EP300: variants seen among roughly 807,000 people sequenced by gnomAD.
The protein encoded by EP300 is histone acetyltransferase p300.
In EP300, 31 loss-of-function variants were observed where a neutral mutation model predicts 264.0. The ratio of observed to expected loss-of-function variants is 0.12; its 90% confidence interval spans 0.09 to 0.16. EP300 has a LOEUF of 0.16. EP300 is among the 10% of genes least tolerant of loss of function. The pLI is 1.00. For synonymous variants in EP300, 1,340 were observed against 1,045.4 expected (o/e 1.28, Z -5.44); for missense variants, 2,766 against 3,052.9 (o/e 0.91, Z 2.21).
rs768518444 is a variant in EP300, at chr22:41,179,008, C to CT, written c.*57dup. Reference sequence around the variant, plus strand: ...AAAAAATTATTTTCTCTTAACAAGACTTTTTGTACTGAAAACAATTTTTTT... The same window carrying CT: ...AAAAAATTATTTTCTCTTAACAAGACTTTTTTGTACTGAAAACAATTTTTTT... On this transcript the variant is annotated 3_prime_UTR_variant, in exon 31 of 31. Coordinates refer to ENST00000263253, the MANE Select transcript of EP300 (RefSeq NM_001429.4). 2.5e-6 allele frequency: 4 copies of CT among 1,601,262 alleles called. No individual in the cohort carries two copies. The highest frequency in any genetic ancestry group is 2.7e-5 in the African/African-American group (2 of 74,698).
At chr22:41,117,026 A>C (rs1382502200) in intron 1 of EP300, among the ~76,000 whole-genome samples, 161 bp from the exon 2 acceptor site, 4 of 152,230 alleles carry the variant, frequency 2.6e-5, no homozygotes, top group Non-Finnish European at 5.9e-5. Flanking sequence ...GCACCACTGC[A>C]CTCCAGCCTG....
At position 41,102,856 on chromosome 22, in the gene EP300, A is replaced by T. The variant is rs575219345; in HGVS notation, c.94+9758A>T. Among the ~76,000 whole-genome samples, 4 of 152,162 alleles carry T rather than the reference A, an allele frequency of 2.6e-5. No homozygotes were observed. The South Asian group carries it at 6.2e-4, about 24-fold the overall frequency. Reference sequence around the variant, plus strand: ...CAACTTGTTGGGTGATGATTTATTTATTATTTATTTATTTATTTTGAGACA... The same window carrying T: ...CAACTTGTTGGGTGATGATTTATTTTTTATTTATTTATTTATTTTGAGACA... On this transcript the variant is annotated intron_variant, in intron 1 of 30. Transcript: ENST00000263253.
intron 1 of EP300, among the ~76,000 whole-genome samples, chr22:41,106,844 T>G (rs564825992): frequency 5.0e-4 from 76 of 152,248 alleles, no homozygotes; most frequent in African/African-American, 1.8e-3. Context: ...CAGCCTGCCT[T>G]GGCCTCCCAA....
Position 41,178,208 on chromosome 22 carries a change from A to G in EP300, c.6497A>G (p.Gln2166Arg). 6.2e-7 allele frequency: 1 copy of G among 1,614,180 alleles called. No homozygotes were observed. Among genetic ancestry groups the G allele is most frequent in the Non-Finnish European group, 8.5e-7 (1 of 1,180,034 alleles). Residue 2166 changes from glutamine to arginine, a missense_variant, in exon 31 of 31, where the codon CAG (glutamine) becomes CGG (arginine). Physicochemically the swap from Gln to Arg is conservative, Grantham distance 43 (BLOSUM62 1). Transcript: ENST00000263253. ...ATGGGAGGGATGAGCCCCCAGGCTC[A>G]GCAGATGAACATGAACCACAACACC... ...PPMGGMSPQA[Q>R]QMNMNHNTMP...
intron 22 of EP300, 31 bp from the exon 23 acceptor site, chr22:41,166,568 T>C (rs749743888): frequency 1.3e-6 from 2 of 1,580,548 alleles, no homozygotes; most frequent in Non-Finnish European, 1.7e-6. Flanking sequence ...TTTATCTAAG[T>C]TGTGTAAGCA....
At chr22:41,132,912 ATG>A (rs1479867644) in intron 6 of EP300, among the ~76,000 whole-genome samples, 2 of 152,186 alleles carry the variant, frequency 1.3e-5, no homozygotes, top group African/African-American at 4.8e-5. Flanking sequence ...ATTTTGGGAT[ATG>A]TATGTTTCTC....
intron 1 of EP300, among the ~76,000 whole-genome samples, chr22:41,095,864 C>T (rs2058699370): frequency 6.6e-6 from 1 of 152,038 alleles, no homozygotes; most frequent in South Asian, 2.1e-4. Flanking sequence ...AAACTGGAAT[C>T]CAATGGGATG....
intron 1 of EP300, among the ~76,000 whole-genome samples, chr22:41,110,453 C>T (rs575202151): frequency 1.3e-5 from 2 of 151,036 alleles, no homozygotes; most frequent in Admixed American, 6.6e-5. Context: ...CCACCATTCC[C>T]GGCTGATTTT....
intron 1 of EP300, among the ~76,000 whole-genome samples, chr22:41,105,202 A>G (rs1385363548): frequency 7.4e-4 from 45 of 60,688 alleles, no homozygotes; most frequent in Admixed American, 1.1e-3. Context: ...ATCTCAGAAA[A>G]AAAAAAAAAA....
intron 17 of EP300, among the ~76,000 whole-genome samples, chr22:41,155,720 A>G (rs2059073142): frequency 6.6e-6 from 1 of 152,230 alleles, no homozygotes; most frequent in African/African-American, 2.4e-5. Flanking sequence ...AAATTGGAAC[A>G]TACAGTATGT....
At chr22:41,169,097 A>G (rs978237927) in intron 25 of EP300, 2 of 619,204 alleles carry the variant, frequency 3.2e-6, no homozygotes, top group Non-Finnish European at 5.7e-6. Flanking sequence ...ATGAATAGCA[A>G]CCTGAAATTG....
At chr22:41,122,472 T>A (rs1217096150) in intron 2 of EP300, among the ~76,000 whole-genome samples, 1 of 152,130 alleles carries the variant, frequency 6.6e-6, no homozygotes, top group Non-Finnish European at 1.5e-5. Context: ...GACCAAGAAA[T>A]TATCTTCTCT....
chr22:41,138,432 A>G (rs557126539), intron 8 of EP300, among the ~76,000 whole-genome samples: 120 of 152,212 alleles, frequency 7.9e-4, no homozygotes, highest in African/African-American at 2.8e-3. Context: ...CCAAAGTGCT[A>G]GGATTACAGG....
chr22:41,153,059 T>C (rs975474216), intron 16 of EP300, among the ~76,000 whole-genome samples: 1 of 152,096 alleles, frequency 6.6e-6, no homozygotes, highest in African/African-American at 2.4e-5. Context: ...CCCGGCCTCA[T>C]TTAATAATTT....
rs2059115220 is a variant in EP300 at position 41,162,842 on chromosome 22, TGAAG to T, written c.3728+64_3728+67del. On this transcript the variant is annotated intron_variant, in intron 21 of 30. Coordinates refer to ENST00000263253, the MANE Select transcript of EP300 (RefSeq NM_001429.4). Reference sequence around the variant, plus strand: ...CTTTTCTTTTTCCCTTTCATTCTCTTGAAGTTTGCATGACCAATCAGATGATCCT... The same window carrying T: ...CTTTTCTTTTTCCCTTTCATTCTCTTTTTGCATGACCAATCAGATGATCCT... 4.3e-6 allele frequency: 6 copies of T among 1,410,352 alleles called. No homozygotes were observed. The East Asian group carries it at 1.4e-4, about 32-fold the overall frequency. 87.4% of individuals were successfully genotyped at this position (1,410,352 alleles called of 1,614,324 possible).
chr22:41,136,237 G>T (rs576242133), intron 7 of EP300, among the ~76,000 whole-genome samples: 1 of 152,316 alleles, frequency 6.6e-6, no homozygotes, highest in South Asian at 2.1e-4. Flanking sequence ...TGTTGGCCAG[G>T]CTGTTCTTGA....
At chr22:41,111,942 C>T (rs2058793738) in intron 1 of EP300, among the ~76,000 whole-genome samples, 1 of 112,370 alleles carries the variant, frequency 8.9e-6, no homozygotes, top group African/African-American at 3.5e-5. Context: ...GGCTGGAGTG[C>T]AGTGGCGCGA....
chr22:41,120,076 A>G (rs2145700548), intron 2 of EP300, among the ~76,000 whole-genome samples: 1 of 152,334 alleles, frequency 6.6e-6, no homozygotes, highest in South Asian at 2.1e-4. Flanking sequence ...GGCCTCCCAA[A>G]GTGTTGCCAC....
chr22:41,164,157 TGG>T, intron 22 of EP300, 27 bp downstream of exon 22: 1 of 1,607,220 alleles, frequency 6.2e-7, no homozygotes, highest in Non-Finnish European at 8.5e-7. Context: ...TTACTTTCTC[TGG>T]AATTTTTCTT....
Sources: gnomAD v4.1 joint callset for allele counts (sites outside exome capture counted in the v4.1 genomes callset) on GRCh38, gnomAD v4.1.1 for gene constraint, MANE v1.5 for transcripts, NCBI Gene and HGNC (gene_info 2026-07-23, HGNC 2026-07-21) for gene names.